Variants in F10 observed in about 807,000 individuals in gnomAD.
F10 encodes Stuart-Prower factor.
F10 carries 29 observed loss-of-function variants against 37.1 expected under a neutral mutation model. The observed-to-expected ratio is 0.78, with a 90% CI of 0.58 to 1.07. The LOEUF is 1.07. Ranked by LOEUF, F10 falls within the 50% of genes least tolerant of loss-of-function variation. The probability of loss-of-function intolerance (pLI) is 0.00; values close to 1 mark genes in which losing one functional copy is unlikely to be tolerated. For missense variants in F10, 539 were observed against 667.9 expected, an observed-to-expected ratio of 0.81 and a Z score of 2.13; for synonymous variants, 262 against 268.6, an observed-to-expected ratio of 0.98 and a Z score of 0.24.
At chr13:113,134,323 C>T (rs1013816367) in intron 2 of F10, among the ~76,000 whole-genome samples, 5 of 152,106 alleles carry the variant, frequency 3.3e-5, no homozygotes, top group East Asian at 3.9e-4. Flanking sequence ...AAGAACTACC[C>T]GAGACTGGGT....
In F10 at chr13:113,146,148, A is replaced by C. The variant is rs774692518; in HGVS notation, c.748-1231A>C. On this transcript the variant is annotated intron_variant, in intron 6 of 7. Coordinates refer to ENST00000375559, the MANE Select transcript of F10 (RefSeq NM_000504.4). The surrounding 1 kb of genome is among the most constrained non-coding windows in gnomAD (Gnocchi z 4.5). ...GAGGGATGCACTGAGGTGGCTCTGC[A>C]ATGCATGTTTGTTGAGGGCCTTCTG... 3.9e-5 allele frequency among the ~76,000 whole-genome samples: 6 copies of C among 152,114 alleles called. No individual in the cohort carries two copies. Among genetic ancestry groups the C allele is most frequent in the Non-Finnish European group, 8.8e-5 (6 of 68,022 alleles).
At chr13:113,124,559 G>A (rs1191565002) in intron 1 of F10, among the ~76,000 whole-genome samples, 1 of 152,238 alleles carries the variant, frequency 6.6e-6, no homozygotes, top group African/African-American at 2.4e-5. Flanking sequence ...CTGCACTGTG[G>A]GGTGGGTGGG....
intron 1 of F10, among the ~76,000 whole-genome samples, chr13:113,124,767 C>A (rs1214754994): frequency 6.6e-6 from 1 of 152,202 alleles, no homozygotes; most frequent in African/African-American, 2.4e-5. Flanking sequence ...GGACAATGGA[C>A]CAAGTAGCTT....
chr13:113,135,266 A>G (rs568470596), intron 2 of F10, among the ~76,000 whole-genome samples: 3 of 152,218 alleles, frequency 2.0e-5, no homozygotes, highest in Admixed American at 2.0e-4. Context: ...AACAAAAGAA[A>G]AGAAAGAATT....
rs774290387 is a variant in F10 at position 113,139,328 on chromosome 13, A to G, written c.257-29A>G. On this transcript the variant is annotated intron_variant, in intron 3 of 7. Transcript: ENST00000375559. The surrounding 1 kb of genome is among the most constrained non-coding windows in gnomAD (Gnocchi z 5.2). ...CCATGATGCCGGAAACAGCTTGCAG[A>G]CTCCAGTTTCGAAATCCTCTCTTTG... The G allele has an allele frequency of 1.3e-6, 2 of 1,580,336 alleles. No homozygotes were observed. Among genetic ancestry groups the G allele is most frequent in the African/African-American group, 2.7e-5 (2 of 74,134 alleles).
chr13:113,149,243 T>C lies in F10; in HGVS notation c.1193T>C (p.Ile398Thr). The part of the protein sequence containing the change: ...NSCKLSSSFI[I>T]TQNMFCAGYD... The stretch of plus-strand genomic sequence containing the variant: ...TGCAAGCTGTCCAGCAGCTTCATCA[T>C]CACCCAGAACATGTTCTGTGCCGGC... Residue 398 changes from isoleucine to threonine, a missense_variant, in exon 8 of 8, where the codon ATC becomes ACC. Coordinates refer to ENST00000375559, the MANE Select transcript of F10 (RefSeq NM_000504.4). The surrounding 1 kb of genome is among the most constrained non-coding windows in gnomAD (Gnocchi z 7.5). 6.2e-7 allele frequency: 1 copy of C among 1,613,114 alleles called. No homozygotes were observed. Among genetic ancestry groups the C allele is most frequent in the Non-Finnish European group, 8.5e-7 (1 of 1,180,024 alleles).
intron 2 of F10, 97 bp from the exon 3 acceptor site, chr13:113,138,360 T>C (rs1355864583): frequency 3.1e-6 from 2 of 645,608 alleles, no homozygotes; most frequent in Non-Finnish European, 5.6e-6. Context: ...TTGGGGAAAA[T>C]ATCCTATTCA....
In F10 at chr13:113,147,505, C is replaced by G; in HGVS notation, c.865+9C>G. ...ATTCAAGGTGAGGGTAGGTAAGTGA[C>G]CAACAGCCCCCAGGGCCGTGGTGAG... On this transcript the variant is annotated intron_variant, in intron 7 of 7. Transcript: ENST00000375559. 1.3e-6 allele frequency: 2 copies of G among 1,557,094 alleles called. No homozygotes were observed. Among genetic ancestry groups the G allele is most frequent in the Non-Finnish European group, 1.8e-6 (2 of 1,127,440 alleles).
In F10 at chr13:113,147,728, G is replaced by A. The variant is rs3211801; in HGVS notation, c.865+232G>A. On this transcript the variant is annotated intron_variant, in intron 7 of 7. Transcript: ENST00000375559. ...AACCAGCCCAGCCCTTCTCCCACTG[G>A]GTGTCCAGGTCTCGGGTCTCCGAGT... is the stretch of plus-strand genomic sequence containing the variant. Among the ~76,000 whole-genome samples the A allele has an allele frequency of 2.2e-3, 333 of 152,268 alleles. 2 individuals carry two copies. Among genetic ancestry groups the A allele is most frequent in the African/African-American group, 7.6e-3 (315 of 41,540 alleles).
In F10 at chr13:113,149,066, C is replaced by T. The variant is rs201675411; in HGVS notation, c.1016C>T (p.Ala339Val). 13 of 1,613,288 alleles carry T rather than the reference C, an allele frequency of 8.1e-6. No homozygotes were observed. The highest frequency in any genetic ancestry group is 4.0e-5 in the African/African-American group (3 of 75,032). The change falls in exon 8 of 8, where the codon GCG (alanine) becomes GTG (valine). Residue 339 changes from alanine to valine, a missense_variant. Ala to Val is a moderately conservative substitution (Grantham distance 64). Around this residue, in one of 2 missense-constraint regions of F10, gnomAD observed 409 missense variants for 547.9 expected, o/e 0.75. Coordinates refer to ENST00000375559, the MANE Select transcript of F10 (RefSeq NM_000504.4). The surrounding 1 kb of genome is among the most constrained non-coding windows in gnomAD (Gnocchi z 7.5). ...CCCATCACCTTCCGCATGAACGTGG[C>T]GCCTGCCTGCCTCCCCGAGCGTGAC... ...KTPITFRMNV[A>V]PACLPERDWA...
Position 113,146,331 on chromosome 13 carries a change from G to A in F10, c.748-1048G>A, listed in dbSNP as rs542250584. Among the ~76,000 whole-genome samples, 22 of 152,266 alleles carry A rather than the reference G, an allele frequency of 1.4e-4. No homozygotes were observed. The highest frequency in any genetic ancestry group is 4.8e-4 in the African/African-American group (20 of 41,558). On this transcript the variant is annotated intron_variant, in intron 6 of 7. Transcript: ENST00000375559. This position sits in a 1 kb window ranked among gnomAD's most constrained non-coding sequence, Gnocchi z 4.5. ...GGTTGGGGCAAGAACCTCGATGCAG[G>A]AGACCCCACCGAGGATGAGCAGGAA...
chr13:113,143,699 A>AT lies in F10; in HGVS notation c.503-152_503-151insT. 49 of 1,203,478 alleles carry AT rather than the reference A, an allele frequency of 4.1e-5. No individual in the cohort carries two copies. Among genetic ancestry groups the AT allele is most frequent in the Admixed American group, 3.0e-4 (14 of 46,640 alleles). 74.5% of individuals were successfully genotyped at this position (1,203,478 alleles called of 1,614,324 possible). A position where few individuals can be genotyped will look rare whatever the true frequency, so the allele number is the denominator to read the frequency against. Reference sequence around the variant, plus strand: ...CCTGCAGATCCGACCCCTGCCGACGACGTGGGGCCTCGCCCTGCAAGCCCG... The same window carrying AT: ...CCTGCAGATCCGACCCCTGCCGACGATCGTGGGGCCTCGCCCTGCAAGCCCG... On this transcript the variant is annotated intron_variant, in intron 5 of 7. Coordinates refer to ENST00000375559, the MANE Select transcript of F10 (RefSeq NM_000504.4). The surrounding 1 kb of genome is among the most constrained non-coding windows in gnomAD (Gnocchi z 6.8).
intron 2 of F10, among the ~76,000 whole-genome samples, chr13:113,133,513 G>A (rs1249478365): frequency 6.6e-6 from 1 of 152,156 alleles, no homozygotes; most frequent in Non-Finnish European, 1.5e-5. Context: ...CAAGGTGAAA[G>A]AGATACCTGC....
intron 1 of F10, among the ~76,000 whole-genome samples, chr13:113,127,774 A>G (rs941939758): frequency 6.6e-6 from 1 of 152,214 alleles, no homozygotes; most frequent in African/African-American, 2.4e-5. Context: ...CATAAATTGT[A>G]CTATTATAGT....
Position 113,149,515 on chromosome 13 carries a change from T to G in F10, c.1465T>G (p.Ter489GlyextTer?). The change falls in exon 8 of 8, where the codon TGA (stop) becomes GGA (glycine). Residue 489 changes from the stop codon to glycine (G), a stop_lost. Transcript: ENST00000375559. The surrounding 1 kb of genome is among the most constrained non-coding windows in gnomAD (Gnocchi z 7.5). The stretch of plus-strand genomic sequence containing the variant: ...GGTCATAACGTCCTCTCCATTAAAG[T>G]GAGATCCCACTCAAGGCCTGGTTTG... ...PEVITSSPLK[*>G] The G allele has an allele frequency of 6.2e-7, 1 of 1,612,938 alleles. No individual in the cohort carries two copies. Among genetic ancestry groups the G allele is most frequent in the Non-Finnish European group, 8.5e-7 (1 of 1,180,000 alleles).
At chr13:113,148,354 ATATATATATG>A (rs1225880070) in intron 7 of F10, among the ~76,000 whole-genome samples, 3 of 110,816 alleles carry the variant, frequency 2.7e-5, no homozygotes, top group Non-Finnish European at 3.5e-5. Context: ...AAATATATAT[ATATATATATG>A]TATATATATA....
In F10 at chr13:113,149,169, G is replaced by A. The variant is rs752790533; in HGVS notation, c.1119G>A (p.Gln373=). The A allele has an allele frequency of 1.2e-6, 2 of 1,613,038 alleles. No individual in the cohort carries two copies. Among genetic ancestry groups the A allele is most frequent in the Non-Finnish European group, 1.7e-6 (2 of 1,180,022 alleles). ...GGCGCACCCACGAGAAGGGCCGGCA[G>A]TCCACCAGGCTCAAGATGCTGGAGG... ...GFGRTHEKGR[Q]STRLKMLEVP... Residue 373 remains glutamine (Q), a synonymous_variant, in exon 8 of 8, where the codon CAG becomes CAA. Transcript: ENST00000375559. This position sits in a 1 kb window ranked among gnomAD's most constrained non-coding sequence, Gnocchi z 7.5.
At chr13:113,147,353 CA>C in intron 6 of F10, 25 bp from the exon 7 acceptor site, 1 of 1,530,166 alleles carries the variant, frequency 6.5e-7, no homozygotes, top group Non-Finnish European at 9.1e-7. Flanking sequence ...TGGCCAGCCA[CA>C]CTGAGCCTGT....
In F10 at chr13:113,143,709, TCGCCCTGCA is replaced by T; in HGVS notation, c.503-141_503-133del. The T allele has an allele frequency of 3.8e-6, 5 of 1,311,328 alleles. No homozygotes were observed. Among genetic ancestry groups the T allele is most frequent in the South Asian group, 2.7e-5 (2 of 75,282 alleles). The allele number at this position is 1,311,328 out of a possible 1,614,324, so 81.2% of individuals were successfully genotyped here. Reference sequence around the variant, plus strand: ...CGACCCCTGCCGACGACGTGGGGCCTCGCCCTGCAAGCCCGCTGCCCCTCCGGGTGCCCC... The same window carrying T: ...CGACCCCTGCCGACGACGTGGGGCCTAGCCCGCTGCCCCTCCGGGTGCCCC... On this transcript the variant is annotated intron_variant, in intron 5 of 7. Transcript: ENST00000375559. This position sits in a 1 kb window ranked among gnomAD's most constrained non-coding sequence, Gnocchi z 6.8.
Sources: gnomAD v4.1 joint callset for allele counts (sites outside exome capture counted in the v4.1 genomes callset) on GRCh38, gnomAD v4.1.1 for gene constraint, gnomAD v4.1.1 regional missense constraint, Gnocchi (gnomAD v3.1) non-coding constraint, MANE v1.5 for transcripts, NCBI Gene and HGNC (gene_info 2026-07-23, HGNC 2026-07-21) for gene names.